CDH18: variants seen among roughly 807,000 people sequenced by gnomAD.
CDH18 encodes the protein cadherin 18.
In CDH18, 31 loss-of-function variants were observed where a neutral mutation model predicts 67.9. That is an observed-to-expected ratio of 0.46 (90% CI 0.34 to 0.62). CDH18 has a LOEUF of 0.62. Ranked by LOEUF, CDH18 falls within the 20% of genes least tolerant of loss-of-function variation. The pLI is 0.01. For synonymous variants in CDH18, 362 were observed against 347.2 expected (o/e 1.04, Z -0.48); for missense variants, 890 against 975.5 (o/e 0.91, Z 1.17).
intron 1 of CDH18, among the ~76,000 whole-genome samples, chr5:20,277,402 C>T (rs1745891872): frequency 6.6e-6 from 1 of 152,090 alleles, no homozygotes; most frequent in Non-Finnish European, 1.5e-5. Flanking sequence ...TCTAAAACCA[C>T]CCAGGCAGCA....
intron 1 of CDH18, among the ~76,000 whole-genome samples, chr5:20,562,405 T>A (rs1223766911): frequency 6.6e-6 from 1 of 151,700 alleles, no homozygotes; most frequent in Non-Finnish European, 1.5e-5. Context: ...CAACCTTATG[T>A]ACCTATGTTA....
chr5:20,038,121 AC>A (rs1740055174), intron 2 of CDH18, among the ~76,000 whole-genome samples: 1 of 152,188 alleles, frequency 6.6e-6, no homozygotes, highest in Non-Finnish European at 1.5e-5. Context: ...AAATTCCTGA[AC>A]AAATAAACCC....
chr5:19,721,605 A>T (rs1766112717), intron 4 of CDH18, 139 bp from the exon 5 acceptor site: 1 of 586,148 alleles, frequency 1.7e-6, no homozygotes, highest in Non-Finnish European at 2.7e-6. Context: ...AAATTTATGT[A>T]TAAAACATAT....
chr5:20,139,706 C>T (rs556250134), intron 2 of CDH18, among the ~76,000 whole-genome samples: 1 of 152,266 alleles, frequency 6.6e-6, no homozygotes, highest in South Asian at 2.1e-4. Context: ...AGCCCACAGA[C>T]ACATGAAAAA....
intron 1 of CDH18, among the ~76,000 whole-genome samples, chr5:20,431,825 T>A (rs1748769446): frequency 6.6e-6 from 1 of 152,200 alleles, no homozygotes; most frequent in African/African-American, 2.4e-5. Flanking sequence ...GTCGTTTATC[T>A]GAGGTTTTTC....
chr5:20,235,505 CG>C (rs2126521775), intron 2 of CDH18, among the ~76,000 whole-genome samples: 1 of 152,156 alleles, frequency 6.6e-6, no homozygotes, highest in South Asian at 2.1e-4. Flanking sequence ...ATACAAACAA[CG>C]AACAAACACA....
rs112182627 is a variant in CDH18, at chr5:19,653,482, T to C, written c.644-40881A>G. ...CTTTCTCAGGTACCATTTTTGTGGA[T>C]TCTGACATTCCCCACTAGTGACCTG... On this transcript the variant is annotated intron_variant, in intron 5 of 12. Transcript: ENST00000382275. Among the ~76,000 whole-genome samples the C allele has an allele frequency of 4.1e-3, 626 of 152,154 alleles. 1 individual carries two copies. The highest frequency in any genetic ancestry group is 6.0e-3 in the South Asian group (29 of 4,818).
At chr5:19,887,616 T>A (rs1217672267) in intron 2 of CDH18, among the ~76,000 whole-genome samples, 2 of 151,996 alleles carry the variant, frequency 1.3e-5, no homozygotes, top group Non-Finnish European at 1.5e-5. Flanking sequence ...GTCTTCAGTG[T>A]GGAGTGCAGT....
At chr5:19,602,428 T>A (rs1285000219) in intron 6 of CDH18, among the ~76,000 whole-genome samples, 1 of 151,486 alleles carries the variant, frequency 6.6e-6, no homozygotes, top group Non-Finnish European at 1.5e-5. Context: ...AAGACATAAA[T>A]AAATGCAAAC....
intron 1 of CDH18, among the ~76,000 whole-genome samples, chr5:20,371,604 A>G (rs777784160): frequency 9.2e-5 from 14 of 152,244 alleles, no homozygotes; most frequent in Non-Finnish European, 1.6e-4. Context: ...AAGCAAAGAA[A>G]GAAAAAAAGT....
At chr5:19,642,688 T>C (rs1279519844) in intron 5 of CDH18, among the ~76,000 whole-genome samples, 1 of 151,932 alleles carries the variant, frequency 6.6e-6, no homozygotes, top group Non-Finnish European at 1.5e-5. Context: ...GGATTAAAGA[T>C]TTAAAGGTGA....
intron 1 of CDH18, among the ~76,000 whole-genome samples, chr5:20,277,292 G>A (rs969256550): frequency 6.6e-6 from 1 of 152,044 alleles, no homozygotes. Context: ...CCAACTCAAG[G>A]CAACTCAGCA....
chr5:20,251,882 A>T, intron 2 of CDH18, among the ~76,000 whole-genome samples: 1 of 152,208 alleles, frequency 6.6e-6, no homozygotes, highest in East Asian at 1.9e-4. Context: ...AATTTTTTTC[A>T]TTTATACAAA....
intron 2 of CDH18, among the ~76,000 whole-genome samples, chr5:19,890,957 T>A (rs1281198921): frequency 6.6e-6 from 1 of 152,172 alleles, no homozygotes; most frequent in Non-Finnish European, 1.5e-5. Flanking sequence ...AAGATTTAGT[T>A]ACATAATAGA....
intron 2 of CDH18, among the ~76,000 whole-genome samples, chr5:20,191,123 A>G (rs945502349): frequency 6.6e-6 from 1 of 152,122 alleles, no homozygotes; most frequent in African/African-American, 2.4e-5. Context: ...AGGATTTTTA[A>G]TGATGTTTTT....
intron 1 of CDH18, among the ~76,000 whole-genome samples, chr5:20,303,460 C>T (rs1269773322): frequency 2.0e-5 from 3 of 152,068 alleles, no homozygotes; most frequent in Non-Finnish European, 2.9e-5. Flanking sequence ...TGAAGCAGCC[C>T]ACAGGGTTAC....
intron 2 of CDH18, among the ~76,000 whole-genome samples, chr5:20,154,373 AC>A (rs1182766734): frequency 6.6e-6 from 1 of 152,184 alleles, no homozygotes; most frequent in Non-Finnish European, 1.5e-5. Context: ...GCCAATATTT[AC>A]TTTTATTAGT....
At chr5:19,719,957 G>GAAAGAAAGAAAGAAAGA (rs869259013) in intron 5 of CDH18, among the ~76,000 whole-genome samples, 155 of 149,508 alleles carry the variant, frequency 1.0e-3, no homozygotes, top group African/African-American at 3.7e-3. Flanking sequence ...AAGAAAGAAA[G>GAAAGAAAGAAAGAAAGA]AAGGAAAGAG....
chr5:19,590,802 AC>A (rs1233140046), intron 7 of CDH18, among the ~76,000 whole-genome samples: 1 of 152,150 alleles, frequency 6.6e-6, no homozygotes, highest in Non-Finnish European at 1.5e-5. Flanking sequence ...TAGAGCAGAG[AC>A]AAAATGAACA....
Sources: gnomAD v4.1 joint callset for allele counts (sites outside exome capture counted in the v4.1 genomes callset) on GRCh38, gnomAD v4.1.1 for gene constraint, MANE v1.5 for transcripts, NCBI Gene and HGNC (gene_info 2026-07-23, HGNC 2026-07-21) for gene names.